ALMS1: variants seen among roughly 807,000 people sequenced by gnomAD.
ALMS1 encodes the protein centrosome-associated protein ALMS1.
A neutral mutation model predicts 352.2 loss-of-function variants in ALMS1; 271 were observed. That is an observed-to-expected ratio of 0.77 (90% CI 0.70 to 0.85). The LOEUF (loss-of-function observed/expected upper bound fraction) is 0.85. Ranked by LOEUF, ALMS1 falls within the 40% of genes least tolerant of loss-of-function variation. The pLI is 0.00. For missense variants in ALMS1, 5,445 were observed against 4,870.7 expected (o/e 1.12, Z -3.51); for synonymous variants, 1,865 against 1,761.2 (o/e 1.06, Z -1.48).
chr2:73,481,205 T>G (rs1198374157), intron 9 of ALMS1, among the ~76,000 whole-genome samples: 12 of 152,222 alleles, frequency 7.9e-5, no homozygotes, highest in Non-Finnish European at 1.8e-4. Flanking sequence ...TTTTTATGGT[T>G]TTCAGTCTAA....
rs368354039 is a variant in ALMS1 at position 73,575,397 on chromosome 2, CCTT to C, written c.11547+1974_11547+1976del. On this transcript the variant is annotated intron_variant, in intron 16 of 22. Transcript: ENST00000613296. Reference sequence around the variant, plus strand: ...GTATAAGGGTTCCTCCAACCCTCCTCCTTTTTTCCACAGCGACTGCTTTAGTTT... The same window carrying C: ...GTATAAGGGTTCCTCCAACCCTCCTCTTTTCCACAGCGACTGCTTTAGTTT... Among the ~76,000 whole-genome samples the C allele has an allele frequency of 3.2e-4, 48 of 152,320 alleles. No individual in the cohort carries two copies. In the South Asian group the frequency reaches 9.9e-3, roughly 32 times the overall value.
chr2:73,556,121 A>G (rs1475436934), intron 13 of ALMS1, among the ~76,000 whole-genome samples: 1 of 152,210 alleles, frequency 6.6e-6, no homozygotes, highest in South Asian at 2.1e-4. Flanking sequence ...CTTAAGCTCT[A>G]TGGTAAATAC....
At chr2:73,421,438 G>A (rs1393272039) in intron 3 of ALMS1, among the ~76,000 whole-genome samples, 1 of 152,152 alleles carries the variant, frequency 6.6e-6, no homozygotes, top group Non-Finnish European at 1.5e-5. Context: ...GAGTTTTAGA[G>A]GGGTGAAGGA....
At chr2:73,496,867 A>G (rs986041767) in intron 10 of ALMS1, among the ~76,000 whole-genome samples, 1 of 152,176 alleles carries the variant, frequency 6.6e-6, no homozygotes, top group Non-Finnish European at 1.5e-5. Flanking sequence ...CTTATTTGCC[A>G]TCCTCTTCGG....
Position 73,386,057 on chromosome 2 carries a change from G to C in ALMS1, c.189G>C (p.Gln63His), listed in dbSNP as rs761163393. Residue 63 changes from glutamine (Q) to histidine (H), a missense_variant, in exon 1 of 23, where the codon CAG (glutamine) becomes CAC (histidine). Transcript: ENST00000613296. ...ELDSDSHYGP[Q>H]HLESIDDEED... is the part of the protein sequence containing the mutation. ...ACTCCGACTCTCACTACGGGCCCCA[G>C]CATCTGGAAAGTATAGACGACGAGG... 6.3e-6 allele frequency: 10 copies of C among 1,588,384 alleles called. No individual in the cohort carries two copies. Among genetic ancestry groups the C allele is most frequent in the Non-Finnish European group, 6.0e-6 (7 of 1,167,998 alleles).
At chr2:73,404,800 C>T (rs1392936416) in intron 1 of ALMS1, among the ~76,000 whole-genome samples, 2 of 151,354 alleles carry the variant, frequency 1.3e-5, no homozygotes, top group East Asian at 1.9e-4. Flanking sequence ...TGGAATGTTC[C>T]CTCCTGTGCA....
chr2:73,583,831 T>C (rs1675252042), intron 16 of ALMS1, among the ~76,000 whole-genome samples: 1 of 152,202 alleles, frequency 6.6e-6, no homozygotes, highest in African/African-American at 2.4e-5. Flanking sequence ...CTTATTTCAT[T>C]GGTCTGCTTG....
chr2:73,521,009 T>C (rs1401993654), intron 11 of ALMS1, among the ~76,000 whole-genome samples: 1 of 152,158 alleles, frequency 6.6e-6, no homozygotes, highest in Non-Finnish European at 1.5e-5. Context: ...CCTACACACG[T>C]AGATGGAATA....
At chr2:73,408,552 T>G in intron 1 of ALMS1, 70 bp from the exon 2 acceptor site, 2 of 1,515,862 alleles carry the variant, frequency 1.3e-6, no homozygotes, top group Non-Finnish European at 9.0e-7. Context: ...GTCTAAATAT[T>G]AGTTTATTTT....
At chr2:73,571,418 T>C (rs569439240) in intron 15 of ALMS1, among the ~76,000 whole-genome samples, 4 of 152,288 alleles carry the variant, frequency 2.6e-5, no homozygotes, top group African/African-American at 9.6e-5. Flanking sequence ...AGATTGGGTG[T>C]CTGGTGAGAG....
At position 73,426,537 on chromosome 2, in the gene ALMS1, C is replaced by T; in HGVS notation, c.1322C>T (p.Ala441Val). ...GCTGTTGTATGCAGTGAAAGAGTTG[C>T]TGAACTACAAAGAAAGGTGAGACAC... ...ENAVVCSERV[A>V]ELQRKPTRES... Residue 441 changes from alanine (A) to valine (V), a missense_variant, in exon 6 of 23, where the codon GCT becomes GTT. Coordinates refer to ENST00000613296, the MANE Select transcript of ALMS1 (RefSeq NM_001378454.1). 1 of 1,614,026 alleles carries T rather than the reference C, an allele frequency of 6.2e-7. No homozygotes were observed. Among genetic ancestry groups the T allele is most frequent in the Non-Finnish European group, 8.5e-7 (1 of 1,179,884 alleles).
intron 21 of ALMS1, among the ~76,000 whole-genome samples, chr2:73,604,335 C>G (rs1404828462): frequency 6.6e-6 from 1 of 152,160 alleles, no homozygotes; most frequent in African/African-American, 2.4e-5. Context: ...GAATTTGAGA[C>G]TGCAGTGAGC....
intron 10 of ALMS1, among the ~76,000 whole-genome samples, chr2:73,516,500 C>A (rs552169921): frequency 1.3e-5 from 2 of 152,280 alleles, no homozygotes; most frequent in Admixed American, 1.3e-4. Flanking sequence ...TAATCAATAT[C>A]ATATTATTGC....
chr2:73,503,558 T>TA (rs1467088465), intron 10 of ALMS1, among the ~76,000 whole-genome samples: 5 of 152,184 alleles, frequency 3.3e-5, no homozygotes, highest in African/African-American at 7.2e-5. Flanking sequence ...GCAATAAACA[T>TA]ACGTGTGCAT....
chr2:73,489,747 A>T lies in ALMS1; in HGVS notation c.7788A>T (p.Gln2596His). The T allele has an allele frequency of 6.2e-7, 1 of 1,614,178 alleles. No homozygotes were observed. Among genetic ancestry groups the T allele is most frequent in the Non-Finnish European group, 8.5e-7 (1 of 1,180,036 alleles). Residue 2596 changes from glutamine (Q) to histidine (H), a missense_variant, in exon 10 of 23, where the codon CAA (glutamine) becomes CAT (histidine). Transcript: ENST00000613296. Reference sequence around the variant, plus strand: ...GGACTCTAACTTCTGAACATCCACAACTAGATAGACACCCTTGTGCTTTCA... The same window carrying T: ...GGACTCTAACTTCTGAACATCCACATCTAGATAGACACCCTTGTGCTTTCA... ...CFRTLTSEHP[Q>H]LDRHPCAFRS...
chr2:73,489,942 A>G lies in ALMS1; in HGVS notation c.7983A>G (p.Glu2661=). 1 of 1,614,234 alleles carries G rather than the reference A, an allele frequency of 6.2e-7. No homozygotes were observed. The highest frequency in any genetic ancestry group is 8.5e-7 in the Non-Finnish European group (1 of 1,180,044). ...HSPFQNFIPD[E]FKISKGLRMP... is the part of the protein sequence containing the mutation. ...CATTTCAGAACTTTATACCTGATGA[A>G]TTCAAAATCAGCAAAGGTCTTCGAA... The change falls in exon 10 of 23, where the codon GAA becomes GAG. Residue 2661 remains glutamate (E), a synonymous_variant. Coordinates refer to ENST00000613296, the MANE Select transcript of ALMS1 (RefSeq NM_001378454.1).
At chr2:73,417,425 A>G (rs1671200190) in intron 2 of ALMS1, among the ~76,000 whole-genome samples, 1 of 152,244 alleles carries the variant, frequency 6.6e-6, no homozygotes. Flanking sequence ...GAACAACGTT[A>G]TGAAACAAGA....
intron 12 of ALMS1, among the ~76,000 whole-genome samples, chr2:73,543,573 A>G (rs1317576510): frequency 1.3e-5 from 2 of 152,234 alleles, no homozygotes; most frequent in East Asian, 3.8e-4. Context: ...ATCAGAATGA[A>G]CAGGCAACCT....
intron 9 of ALMS1, chr2:73,459,204 A>G (rs1184589560): frequency 6.6e-6 from 1 of 151,910 alleles, no homozygotes; most frequent in Non-Finnish European, 1.5e-5. Context: ...TTTGATTCAG[A>G]TTTGATTTTT....
Sources: gnomAD v4.1 joint callset for allele counts (sites outside exome capture counted in the v4.1 genomes callset) on GRCh38, gnomAD v4.1.1 for gene constraint, MANE v1.5 for transcripts, NCBI Gene and HGNC (gene_info 2026-07-23, HGNC 2026-07-21) for gene names.